The following LRRIQ1 variants were observed in gnomAD, a reference collection of about 807,000 sequenced individuals.
LRRIQ1 encodes the protein leucine-rich repeat- and IQ domain-containing protein 1.
In LRRIQ1, 210 loss-of-function variants were observed where a neutral mutation model predicts 211.9. That is an observed-to-expected ratio of 0.99 (90% CI 0.89 to 1.11). LRRIQ1 has a LOEUF of 1.11. LRRIQ1 is among the 50% of genes most tolerant of loss of function. The pLI is 0.00. For synonymous variants in LRRIQ1, 699 were observed against 650.1 expected, an observed-to-expected ratio of 1.08 and a Z score of -1.14; for missense variants, 2,136 against 1,939.5, an observed-to-expected ratio of 1.10 and a Z score of -1.90.
intron 2 of LRRIQ1, among the ~76,000 whole-genome samples, chr12:85,038,675 A>G (rs1015505284): frequency 4.0e-5 from 6 of 151,644 alleles, no homozygotes; most frequent in African/African-American, 1.2e-4. Flanking sequence ...GAGTTTATTC[A>G]TAGATTTATT....
At chr12:85,179,832 A>T (rs1172109529) in intron 24 of LRRIQ1, among the ~76,000 whole-genome samples, 1 of 151,892 alleles carries the variant, frequency 6.6e-6, no homozygotes, top group Non-Finnish European at 1.5e-5. Context: ...ATGTCTCTGT[A>T]ACATCGTCTG....
chr12:85,235,154 T>A (rs1895116665), intron 26 of LRRIQ1, among the ~76,000 whole-genome samples: 1 of 152,194 alleles, frequency 6.6e-6, no homozygotes, highest in African/African-American at 2.4e-5. Context: ...GAGCAAAGCA[T>A]ATTGCATGAT....
At chr12:85,061,948 G>C (rs138333424) in intron 8 of LRRIQ1, among the ~76,000 whole-genome samples, 5 of 151,802 alleles carry the variant, frequency 3.3e-5, no homozygotes, top group African/African-American at 9.6e-5. Flanking sequence ...TACTTAAAAT[G>C]GAGTGGTCTA....
chr12:85,076,295 G>C (rs1324046803), intron 11 of LRRIQ1, among the ~76,000 whole-genome samples: 1 of 151,532 alleles, frequency 6.6e-6, no homozygotes, highest in Non-Finnish European at 1.5e-5. Context: ...TATATATATG[G>C]AATTGGAATA....
chr12:85,173,192 A>G (rs1891503818), intron 24 of LRRIQ1, among the ~76,000 whole-genome samples: 1 of 152,210 alleles, frequency 6.6e-6, no homozygotes. Flanking sequence ...AAAATTCTGT[A>G]AATTCTGTAA....
At chr12:85,133,606 C>T (rs368519584) in intron 18 of LRRIQ1, among the ~76,000 whole-genome samples, 1 of 152,076 alleles carries the variant, frequency 6.6e-6, no homozygotes, top group South Asian at 2.1e-4. Flanking sequence ...TAAAGTGGCA[C>T]TGGGGGTAGA....
Position 85,244,953 on chromosome 12 carries a change from G to T in LRRIQ1, c.*12G>T, listed in dbSNP as rs1439752206. ...CAAAATTAATTTAGAAATCACAAAC[G>T]AATTGATGGAACCTAATGCCAACAA... On this transcript the variant is annotated 3_prime_UTR_variant, in exon 27 of 27. Coordinates refer to ENST00000393217, the MANE Select transcript of LRRIQ1 (RefSeq NM_001079910.2). 3.1e-6 allele frequency: 5 copies of T among 1,608,330 alleles called. No individual in the cohort carries two copies. The highest frequency in any genetic ancestry group is 4.2e-6 in the Non-Finnish European group (5 of 1,176,566).
At chr12:85,101,732 A>G (rs1886357594) in intron 13 of LRRIQ1, among the ~76,000 whole-genome samples, 1 of 151,816 alleles carries the variant, frequency 6.6e-6, no homozygotes, top group Admixed American at 6.6e-5. Context: ...ATTTCAGAAG[A>G]AGAAAACAAA....
At position 85,055,925 on chromosome 12, in the gene LRRIQ1, C is replaced by G. The variant is rs997381150; in HGVS notation, c.1132C>G (p.Leu378Val). Reference sequence around the variant, plus strand: ...TATTGTGAAACAGGAAAGAGAGCAACTAATAAGCAAGGAAAAAATAATATT... The same window carrying G: ...TATTGTGAAACAGGAAAGAGAGCAAGTAATAAGCAAGGAAAAAATAATATT... The part of the protein sequence containing the change: ...KNIVKQEREQ[L>V]ISKEKIILRE... The change falls in exon 8 of 27, where the codon CTA (leucine) becomes GTA (valine). Residue 378 changes from leucine to valine, a missense_variant. Physicochemically the swap from Leu to Val is conservative, Grantham distance 32. Coordinates refer to ENST00000393217, the MANE Select transcript of LRRIQ1 (RefSeq NM_001079910.2). 1.7e-5 allele frequency: 27 copies of G among 1,604,938 alleles called. No individual in the cohort carries two copies. In the Middle Eastern group the frequency reaches 5.1e-4, roughly 30 times the overall value.
chr12:85,211,919 C>T (rs570887504), intron 24 of LRRIQ1, among the ~76,000 whole-genome samples: 1 of 152,100 alleles, frequency 6.6e-6, no homozygotes, highest in East Asian at 1.9e-4. Flanking sequence ...GTATGTGGTC[C>T]TTTGACTTCA....
chr12:85,066,964 C>A, intron 10 of LRRIQ1, 66 bp downstream of exon 10: 1 of 914,178 alleles, frequency 1.1e-6, no homozygotes, highest in South Asian at 2.6e-5. Flanking sequence ...TTTATTTATT[C>A]CTTTTTAGGA....
chr12:85,229,715 T>G, intron 25 of LRRIQ1, 66 bp downstream of exon 25: 2 of 1,503,086 alleles, frequency 1.3e-6, no homozygotes, highest in Non-Finnish European at 1.8e-6. Flanking sequence ...GAAACCTAGG[T>G]TAATTGTGCT....
rs374906840 is a variant in LRRIQ1, at chr12:85,056,937, G to A, written c.2144G>A (p.Cys715Tyr). The A allele has an allele frequency of 1.4e-5, 22 of 1,612,726 alleles. No individual in the cohort carries two copies. The highest frequency in any genetic ancestry group is 8.4e-5 in the Admixed American group (5 of 59,852). The change falls in exon 8 of 27, where the codon TGC becomes TAC. Residue 715 changes from cysteine (C) to tyrosine (Y), a missense_variant. Cys to Tyr is a radical substitution (Grantham distance 194, BLOSUM62 -2). Transcript: ENST00000393217. ...KSEIRNISEK[C>Y]HENAPEPDSM... ...GAGATTAGAAATATTTCAGAAAAAT[G>A]CCATGAAAATGCACCTGAACCTGAT...
At position 85,186,638 on chromosome 12, in the gene LRRIQ1, A is replaced by G. The variant is rs11837026; in HGVS notation, c.4822+25924A>G. Reference sequence around the variant, plus strand: ...ACTTTAATGGTAGCATTTCACAACTAGTGAAATATGCAAAAAATATATTTT... The same window carrying G: ...ACTTTAATGGTAGCATTTCACAACTGGTGAAATATGCAAAAAATATATTTT... On this transcript the variant is annotated intron_variant, in intron 24 of 26. Transcript: ENST00000393217. Among the ~76,000 whole-genome samples the G allele has an allele frequency of 4.4e-3, 664 of 152,240 alleles. 6 individuals carry two copies. Among genetic ancestry groups the G allele is most frequent in the African/African-American group, 0.015 (638 of 41,538 alleles).
downstream of LRRIQ1, among the ~76,000 whole-genome samples, chr12:85,249,635 C>T (rs995864214): frequency 2.6e-5 from 4 of 151,940 alleles, no homozygotes; most frequent in South Asian, 4.1e-4. Context: ...TAGGCACTTA[C>T]ATTAAGTGAA....
At chr12:85,161,632 T>C (rs1336527227) in intron 24 of LRRIQ1, among the ~76,000 whole-genome samples, 2 of 152,170 alleles carry the variant, frequency 1.3e-5, no homozygotes, top group Admixed American at 6.5e-5. Context: ...CATTTCTGTT[T>C]TGTAATGTCT....
At chr12:85,042,388 A>G (rs116394470) in intron 3 of LRRIQ1, among the ~76,000 whole-genome samples, 2,482 of 148,988 alleles carry the variant, frequency 0.017, 68 homozygotes, top group African/African-American at 0.058. Context: ...AAATTATTTA[A>G]AATTATTAAA....
chr12:85,272,091 G>T, the LRRIQ1 span, among the ~76,000 whole-genome samples: 1 of 152,102 alleles, frequency 6.6e-6, no homozygotes, highest in African/African-American at 2.4e-5. Flanking sequence ...ATCCTATATG[G>T]TTTGCCTCAA....
At chr12:85,177,977 GAAGA>G (rs773062022) in intron 24 of LRRIQ1, among the ~76,000 whole-genome samples, 1 of 152,070 alleles carries the variant, frequency 6.6e-6, no homozygotes, top group Non-Finnish European at 1.5e-5. Context: ...TATGGAATGA[GAAGA>G]ATAATACCTA....
Sources: gnomAD v4.1 joint callset for allele counts (sites outside exome capture counted in the v4.1 genomes callset) on GRCh38, gnomAD v4.1.1 for gene constraint, MANE v1.5 for transcripts, NCBI Gene and HGNC (gene_info 2026-07-23, HGNC 2026-07-21) for gene names.